BTBD7: variants seen among roughly 807,000 people sequenced by gnomAD.
BTBD7 encodes BTB/POZ domain-containing protein 7.
BTBD7 carries 38 observed loss-of-function variants against 99.9 expected under a neutral mutation model. That is an observed-to-expected ratio of 0.38 (90% CI 0.29 to 0.50). The LOEUF (loss-of-function observed/expected upper bound fraction) is 0.50. BTBD7 is among the 20% of genes least tolerant of loss of function. The probability of loss-of-function intolerance (pLI) is 0.93; values close to 1 mark genes in which losing one functional copy is unlikely to be tolerated. For missense variants in BTBD7, 1,170 were observed against 1,394.6 expected, an observed-to-expected ratio of 0.84 and a Z score of 2.57; for synonymous variants, 520 against 511.4, an observed-to-expected ratio of 1.02 and a Z score of -0.23.
intron 4 of BTBD7, among the ~76,000 whole-genome samples, chr14:93,262,188 A>ATC (rs2052496755): frequency 1.3e-5 from 2 of 149,962 alleles, no homozygotes; most frequent in Admixed American, 6.7e-5. Context: ...GCTGGAGTGC[A>ATC]GTGGTGTGAT....
At chr14:93,262,878 TC>T (rs2052505613) in intron 4 of BTBD7, among the ~76,000 whole-genome samples, 1 of 151,802 alleles carries the variant, frequency 6.6e-6, no homozygotes, top group African/African-American at 2.4e-5. Flanking sequence ...ACATAAAGCG[TC>T]CAGTTTTGAT....
chr14:93,300,944 T>C (rs2052997512), intron 1 of BTBD7, among the ~76,000 whole-genome samples: 2 of 151,812 alleles, frequency 1.3e-5, no homozygotes, highest in Admixed American at 6.6e-5. Context: ...AATGTTAATC[T>C]ACAGAGGGGA....
At chr14:93,257,712 A>C (rs142071463) in intron 5 of BTBD7, among the ~76,000 whole-genome samples, 6 of 152,230 alleles carry the variant, frequency 3.9e-5, no homozygotes, top group Non-Finnish European at 8.8e-5. Context: ...AGTGTTTAGT[A>C]GTATAAGGTC....
At chr14:93,260,713 C>T (rs1364728527) in intron 5 of BTBD7, among the ~76,000 whole-genome samples, 1 of 151,492 alleles carries the variant, frequency 6.6e-6, no homozygotes, top group East Asian at 1.9e-4. Context: ...GCCACCATGC[C>T]CAGCTTATTT....
chr14:93,292,340 G>A (rs1037202718), intron 3 of BTBD7, among the ~76,000 whole-genome samples: 1 of 151,526 alleles, frequency 6.6e-6, no homozygotes, highest in Non-Finnish European at 1.5e-5. Flanking sequence ...TTTTTCTGTA[G>A]AAGCATTTTC....
rs1325750006 is a variant in BTBD7 at position 93,251,659 on chromosome 14, T to C, written c.1753-7A>G. 6.4e-7 allele frequency: 1 copy of C among 1,567,676 alleles called. No individual in the cohort carries two copies. The highest frequency in any genetic ancestry group is 8.7e-7 in the Non-Finnish European group (1 of 1,148,242). On this transcript the variant is annotated splice_region_variant and splice_polypyrimidine_tract_variant and intron_variant, in intron 7 of 10. Coordinates refer to ENST00000334746, the MANE Select transcript of BTBD7 (RefSeq NM_001002860.4). ...TCATCTCATCTAGCACTGACTGAAA[T>C]AATCATTCAGTATTAACAAAACCAG...
chr14:93,328,611 TAAAAAA>T (rs57161505), intron 1 of BTBD7, among the ~76,000 whole-genome samples: 9 of 101,868 alleles, frequency 8.8e-5, no homozygotes, highest in Non-Finnish European at 1.4e-4. Context: ...TAAAATTCTT[TAAAAAA>T]AAAAAAAAAA....
chr14:93,243,196 TTTTG>T, intron 10 of BTBD7, 108 bp from the exon 11 acceptor site: 1 of 1,105,772 alleles, frequency 9.0e-7, no homozygotes, highest in Non-Finnish European at 1.3e-6. Flanking sequence ...CACATTCTGT[TTTTG>T]TTTTTTTTTT....
chr14:93,300,756 GTGTGTGTGTGTGTGTGTA>G (rs1381697704), intron 1 of BTBD7, among the ~76,000 whole-genome samples: 590 of 47,998 alleles, frequency 0.012, 57 homozygotes, highest in African/African-American at 0.043. Flanking sequence ...GTGTGTGTGT[GTGTGTGTGTGTGTGTGTA>G]TATATATATA....
chr14:93,303,327 G>A (rs2053027466), intron 1 of BTBD7, among the ~76,000 whole-genome samples: 1 of 152,074 alleles, frequency 6.6e-6, no homozygotes, highest in Non-Finnish European at 1.5e-5. Context: ...CTGCTGGTCA[G>A]GCATGGTGAC....
In BTBD7 at chr14:93,268,298, C is replaced by T. The variant is rs948112921; in HGVS notation, c.1163-4305G>A. Among the ~76,000 whole-genome samples the T allele has an allele frequency of 2.6e-5, 4 of 152,308 alleles. 1 individual carries two copies. The highest frequency in any genetic ancestry group is 6.5e-5 in the Admixed American group (1 of 15,294). ...AGGTGTTCCTCCTATCTAAAAGTTT[C>T]TCTGGTACCCTGTGTTTGTCTGTAA... On this transcript the variant is annotated intron_variant, in intron 3 of 10. Coordinates refer to ENST00000334746, the MANE Select transcript of BTBD7 (RefSeq NM_001002860.4).
chr14:93,306,296 G>C, intron 1 of BTBD7, among the ~76,000 whole-genome samples: 1 of 152,004 alleles, frequency 6.6e-6, no homozygotes, highest in East Asian at 1.9e-4. Flanking sequence ...AAGGTAATGG[G>C]TTTGAAATCT....
intron 1 of BTBD7, among the ~76,000 whole-genome samples, chr14:93,322,336 C>T (rs1457068569): frequency 1.3e-5 from 2 of 151,624 alleles, no homozygotes; most frequent in African/African-American, 2.4e-5. Flanking sequence ...CCAGACTGGT[C>T]TTCAATTCCA....
At position 93,242,579 on chromosome 14, in the gene BTBD7, C is replaced by G; in HGVS notation, c.3093G>C (p.Glu1031Asp). The change falls in exon 11 of 11, where the codon GAG becomes GAC. Residue 1031 changes from glutamate (E) to aspartate (D), a missense_variant. Physicochemically the swap from Glu to Asp is conservative, Grantham distance 45 (BLOSUM62 2). This residue lies in a region of BTBD7 where 495 missense variants were observed against 525.9 expected (regional missense o/e 0.94). Transcript: ENST00000334746. Reference protein sequence around the residue: ...KNEPIHLDVVEQPPQRSDFPL... With the variant: ...KNEPIHLDVVDQPPQRSDFPL... ...GAAAGTCTGACCGCTGGGGAGGTTGCTCAACGACATCCAGGTGTATCGGCT... is the reference window on the plus strand; with the variant it reads ...GAAAGTCTGACCGCTGGGGAGGTTGGTCAACGACATCCAGGTGTATCGGCT... 6.2e-7 allele frequency: 1 copy of G among 1,614,206 alleles called. No homozygotes were observed. The highest frequency in any genetic ancestry group is 8.5e-7 in the Non-Finnish European group (1 of 1,180,048).
At chr14:93,319,001 C>G (rs8011184) in intron 1 of BTBD7, among the ~76,000 whole-genome samples, 58,634 of 152,092 alleles carry the variant, frequency 0.39, 12,517 homozygotes, top group African/African-American at 0.58. Flanking sequence ...CAGATTGCTT[C>G]AGCCCAGGAG....
At chr14:93,254,415 T>A (rs1595289747) in intron 6 of BTBD7, among the ~76,000 whole-genome samples, 1 of 152,168 alleles carries the variant, frequency 6.6e-6, no homozygotes, top group East Asian at 1.9e-4. Context: ...TTTACTCATC[T>A]AGGAACAAAT....
At chr14:93,253,843 C>T (rs903940018) in intron 6 of BTBD7, 53 bp from the exon 7 acceptor site, 33 of 776,864 alleles carry the variant, frequency 4.2e-5, no homozygotes, top group Middle Eastern at 3.4e-4. Context: ...TATAATACTA[C>T]TAAGATAAAT....
At chr14:93,260,704 C>T (rs1295395995) in intron 5 of BTBD7, among the ~76,000 whole-genome samples, 1 of 151,824 alleles carries the variant, frequency 6.6e-6, no homozygotes, top group Non-Finnish European at 1.5e-5. Context: ...CAGGCACATG[C>T]CACCATGCCC....
At chr14:93,313,235 G>A (rs2053158526) in intron 1 of BTBD7, among the ~76,000 whole-genome samples, 1 of 152,126 alleles carries the variant, frequency 6.6e-6, no homozygotes. Context: ...AGAGAATGTG[G>A]ACCTGTAGTT....
Sources: gnomAD v4.1 joint callset for allele counts (sites outside exome capture counted in the v4.1 genomes callset) on GRCh38, gnomAD v4.1.1 for gene constraint, gnomAD v4.1.1 regional missense constraint, MANE v1.5 for transcripts, NCBI Gene and HGNC (gene_info 2026-07-23, HGNC 2026-07-21) for gene names.